Variants in ZFHX3 observed in about 807,000 individuals in gnomAD.
The protein encoded by ZFHX3 is zinc finger homeobox protein 3.
In ZFHX3, 42 loss-of-function variants were observed where a neutral mutation model predicts 279.1. That is an observed-to-expected ratio of 0.15 (90% CI 0.12 to 0.19). The LOEUF (loss-of-function observed/expected upper bound fraction) is 0.19, where lower values mean the gene tolerates loss of function less well. ZFHX3 is among the 10% of genes least tolerant of loss of function. ZFHX3 has a pLI of 1.00. For synonymous variants in ZFHX3, 2,293 were observed against 1,957.8 expected (o/e 1.17, Z -4.52); for missense variants, 4,981 against 4,754.0 (o/e 1.05, Z -1.40).
chr16:72,795,348 T>C lies in ZFHX3; in HGVS notation c.7334A>G (p.Glu2445Gly). ...CTCTGGCTTTGGTTGTCCTTGCTTT[T>C]CTTGGGTTTGGTTTGGCTGTGCACT... The part of the protein sequence containing the change: ...APSAQPNQTQ[E>G]KQGQPKPELQ... Residue 2445 changes from glutamate to glycine, a missense_variant, in exon 9 of 10, where the codon GAA becomes GGA. Glu to Gly is a moderately conservative substitution (Grantham distance 98). Around this residue, in one of 7 missense-constraint regions of ZFHX3, gnomAD observed 744 missense variants for 701.3 expected, o/e 1.06. Transcript: ENST00000268489. 6.2e-7 allele frequency: 1 copy of C among 1,614,102 alleles called. No individual in the cohort carries two copies. The highest frequency in any genetic ancestry group is 8.5e-7 in the Non-Finnish European group (1 of 1,180,024).
chr16:73,017,380 A>G (rs558157489), intron 1 of ZFHX3, among the ~76,000 whole-genome samples: 50 of 152,238 alleles, frequency 3.3e-4, no homozygotes, highest in African/African-American at 1.1e-3. Context: ...GTCCCAAAAA[A>G]TATCCCCTGT....
At chr16:72,942,136 T>C (rs1960438882) in intron 3 of ZFHX3, among the ~76,000 whole-genome samples, 1 of 152,226 alleles carries the variant, frequency 6.6e-6, no homozygotes, top group Non-Finnish European at 1.5e-5. Context: ...AAACACCTGT[T>C]GGGACTAGAC....
chr16:73,499,126 C>A (rs1446893538), intron 2 of ZFHX3: 2 of 152,194 alleles, frequency 1.3e-5, no homozygotes, highest in Non-Finnish European at 2.9e-5. Flanking sequence ...AAATACCATG[C>A]ATCTAAAGAG....
In ZFHX3 at chr16:72,795,016, C is replaced by T. The variant is rs1178647450; in HGVS notation, c.7666G>A (p.Ala2556Thr). The stretch of plus-strand genomic sequence containing the variant: ...TGGGGGTGGATGAACTGGTTCTGCG[C>T]GCTCAGGAAGTGGAGCTGCTGATGC... ...QEHQQLHFLS[A>T]QNQFIHPQFL... Residue 2556 changes from alanine to threonine, a missense_variant, in exon 9 of 10, where the codon GCG becomes ACG. By Grantham distance (58) the Ala-to-Thr change is moderately conservative. Transcript: ENST00000268489. The T allele has an allele frequency of 1.5e-5, 24 of 1,614,028 alleles. No individual in the cohort carries two copies. Among genetic ancestry groups the T allele is most frequent in the East Asian group, 4.5e-5 (2 of 44,876 alleles).
At position 72,797,243 on chromosome 16, in the gene ZFHX3, C is replaced by T. The variant is rs2035939906; in HGVS notation, c.5439G>A (p.Val1813=). The T allele has an allele frequency of 6.2e-7, 1 of 1,613,648 alleles. No homozygotes were observed. Among genetic ancestry groups the T allele is most frequent in the Non-Finnish European group, 8.5e-7 (1 of 1,179,860 alleles). Residue 1813 remains valine (V), a synonymous_variant, in exon 9 of 10, where the codon GTG becomes GTA. Coordinates refer to ENST00000268489, the MANE Select transcript of ZFHX3 (RefSeq NM_006885.4). ...GTGCCCCACTGGTCACTGGCAAGCTCACCTCGGGGTTAAGCTGGAACTCAG... is the reference window on the plus strand; with the variant it reads ...GTGCCCCACTGGTCACTGGCAAGCTTACCTCGGGGTTAAGCTGGAACTCAG... The part of the protein sequence containing the change: ...PSAEFQLNPE[V]SLPVTSGALT...
At chr16:73,162,168 A>C (rs1218719421) in intron 5 of ZFHX3, among the ~76,000 whole-genome samples, 2 of 152,358 alleles carry the variant, frequency 1.3e-5, no homozygotes, top group East Asian at 3.9e-4. Context: ...GTTGAGCAAC[A>C]GGTCAGTGAG....
chr16:73,807,671 A>G (rs1016633907), intron 1 of ZFHX3, among the ~76,000 whole-genome samples: 5 of 115,868 alleles, frequency 4.3e-5, no homozygotes, highest in East Asian at 2.6e-4. Context: ...GGGCTTCTCC[A>G]TGTTGCCCAG....
intron 4 of ZFHX3, among the ~76,000 whole-genome samples, chr16:72,858,553 C>T (rs535541105): frequency 1.3e-5 from 2 of 152,338 alleles, no homozygotes; most frequent in African/African-American, 4.8e-5. Context: ...ATATCACTGG[C>T]TGTACATCAG....
At chr16:73,714,239 G>A (rs2053392837) in intron 1 of ZFHX3, among the ~76,000 whole-genome samples, 1 of 152,118 alleles carries the variant, frequency 6.6e-6, no homozygotes, top group African/African-American at 2.4e-5. Flanking sequence ...TAGGATCCTG[G>A]GCTTATTGAC....
At chr16:73,152,820 C>A in intron 5 of ZFHX3, among the ~76,000 whole-genome samples, 1 of 75,734 alleles carries the variant, frequency 1.3e-5, no homozygotes, top group Non-Finnish European at 2.5e-5. Flanking sequence ...GAGAAGGGGG[C>A]TGGGGGGAAG....
intron 1 of ZFHX3, among the ~76,000 whole-genome samples, chr16:73,855,216 C>CTTTT (rs1032892286): frequency 1.1e-3 from 127 of 111,480 alleles, no homozygotes; most frequent in African/African-American, 2.4e-3. Flanking sequence ...AGGCGTTAGC[C>CTTTT]TTTTTTTTTT....
At chr16:73,339,329 C>T (rs886178806) in intron 3 of ZFHX3, among the ~76,000 whole-genome samples, 1 of 152,190 alleles carries the variant, frequency 6.6e-6, no homozygotes, top group African/African-American at 2.4e-5. Flanking sequence ...TTATCTCCTC[C>T]AGTTGTGAGT....
intron 3 of ZFHX3, among the ~76,000 whole-genome samples, chr16:72,910,268 T>C (rs568766223): frequency 6.6e-6 from 1 of 152,310 alleles, no homozygotes; most frequent in African/African-American, 2.4e-5. Context: ...TTCCAGTAGC[T>C]GAAAACAATC....
At chr16:72,889,116 A>G (rs547870630) in intron 4 of ZFHX3, among the ~76,000 whole-genome samples, 1 of 152,280 alleles carries the variant, frequency 6.6e-6, no homozygotes, top group Non-Finnish European at 1.5e-5. Context: ...ATGGGGAGGT[A>G]GAAACGAGGC....
chr16:73,330,508 C>A (rs144595543), intron 3 of ZFHX3, among the ~76,000 whole-genome samples: 4 of 152,120 alleles, frequency 2.6e-5, no homozygotes, highest in Non-Finnish European at 5.9e-5. Flanking sequence ...GCAATAGGGG[C>A]AAACGTCAGG....
At chr16:73,668,237 C>T (rs549550289) in intron 2 of ZFHX3, among the ~76,000 whole-genome samples, 1 of 152,134 alleles carries the variant, frequency 6.6e-6, no homozygotes, top group African/African-American at 2.4e-5. Flanking sequence ...AAATGTACAA[C>T]TCTAGAGTTC....
chr16:73,020,505 C>T (rs758735617), intron 1 of ZFHX3, among the ~76,000 whole-genome samples: 7 of 152,196 alleles, frequency 4.6e-5, no homozygotes, highest in Non-Finnish European at 8.8e-5. Flanking sequence ...CTGAAATACA[C>T]AGAAAACGGG....
At chr16:73,253,214 T>C (rs2013561717) in intron 5 of ZFHX3, among the ~76,000 whole-genome samples, 1 of 151,936 alleles carries the variant, frequency 6.6e-6, no homozygotes. Flanking sequence ...TCAAGAAACC[T>C]ACAGATACGG....
intron 3 of ZFHX3, among the ~76,000 whole-genome samples, chr16:73,428,623 A>T (rs1224748611): frequency 1.3e-5 from 2 of 152,166 alleles, no homozygotes; most frequent in Non-Finnish European, 2.9e-5. Context: ...GGTCATGTCC[A>T]TTTATAACTC....
Sources: allele counts gnomAD v4.1 joint callset (sites outside exome capture counted in the v4.1 genomes callset), GRCh38; gene constraint gnomAD v4.1.1; regional missense constraint gnomAD v4.1.1; transcripts MANE v1.5; gene names NCBI Gene and HGNC (gene_info 2026-07-23, HGNC 2026-07-21).